ITIH2: variants seen among roughly 807,000 people sequenced by gnomAD.
ITIH2 encodes inter-alpha-trypsin inhibitor heavy chain 2, also known as inter-alpha-trypsin inhibitor heavy chain H2.
Under a neutral mutation model 104.4 loss-of-function variants are expected in ITIH2, and 103 were observed. That is an observed-to-expected ratio of 0.99 (90% CI 0.84 to 1.16). The LOEUF (loss-of-function observed/expected upper bound fraction) is 1.16, where lower values mean the gene tolerates loss of function less well. Among genes scored for constraint, ITIH2 ranks in the 50% most tolerant of loss-of-function variants. The pLI, the probability that ITIH2 is intolerant of heterozygous loss-of-function variation, is 0.00. For missense variants in ITIH2, 1,108 were observed against 1,162.4 expected (o/e 0.95, Z 0.68); for synonymous variants, 436 against 435.4 (o/e 1.00, Z -0.02).
In ITIH2 at chr10:7,732,339, C is replaced by G. The variant is rs763491223; in HGVS notation, c.1649C>G (p.Ala550Gly). The part of the protein sequence containing the change: ...QIESVITATS[A>G]NTQLVLETLA... ...TCAACTGAACCTTCCATCATCTAGG[C>G]TAACACGCAGTTAGTCTTGGAGACC... The change falls in exon 14 of 21, where the codon GCT (alanine) becomes GGT (glycine). Residue 550 changes from alanine (A) to glycine (G), a missense_variant and splice_region_variant. Coordinates refer to ENST00000358415, the MANE Select transcript of ITIH2 (RefSeq NM_002216.3). 1.2e-6 allele frequency: 2 copies of G among 1,613,196 alleles called. No homozygotes were observed. Among genetic ancestry groups the G allele is most frequent in the South Asian group, 2.2e-5 (2 of 90,964 alleles).
chr10:7,706,832 T>C (rs1488581601), intron 2 of ITIH2, among the ~76,000 whole-genome samples: 1 of 152,120 alleles, frequency 6.6e-6, no homozygotes, highest in Non-Finnish European at 1.5e-5. Flanking sequence ...GCCCACAGCC[T>C]CATGGCCGAA....
chr10:7,728,937 C>T (rs1834975396), intron 11 of ITIH2, among the ~76,000 whole-genome samples: 1 of 152,060 alleles, frequency 6.6e-6, no homozygotes, highest in Non-Finnish European at 1.5e-5. Context: ...GTTGTAGAGC[C>T]AATGTTTTCT....
intron 20 of ITIH2, among the ~76,000 whole-genome samples, chr10:7,746,926 TTAAC>T (rs374696050): frequency 5.3e-4 from 80 of 152,292 alleles, no homozygotes; most frequent in African/African-American, 1.6e-3. Flanking sequence ...AATGCCAAGA[TTAAC>T]TAACCTGTTG....
At chr10:7,726,876 T>C in intron 9 of ITIH2, 74 bp from the exon 10 acceptor site, 1 of 1,229,858 alleles carries the variant, frequency 8.1e-7, no homozygotes, top group South Asian at 1.7e-5. Context: ...CCAGGATCAA[T>C]GATTGGTCTT....
At chr10:7,719,760 C>CAAAAAAAA (rs71385664) in intron 6 of ITIH2, among the ~76,000 whole-genome samples, 23 of 41,682 alleles carry the variant, frequency 5.5e-4, no homozygotes, top group Admixed American at 8.4e-4. Flanking sequence ...GACCCTGTCT[C>CAAAAAAAA]AAAAAAAAAA....
intron 2 of ITIH2, 125 bp from the exon 3 acceptor site, chr10:7,707,076 T>G (rs1252074552): frequency 1.8e-6 from 1 of 548,870 alleles, no homozygotes; most frequent in Non-Finnish European, 3.2e-6. Context: ...TCAACTCCAG[T>G]GAATGAATAA....
rs56289715 is a variant in ITIH2, at chr10:7,717,905, A to T, written c.630+117A>T. 7.9e-3 allele frequency: 7,536 copies of T among 951,518 alleles called. 407 individuals carry two copies. In the African/African-American group the frequency reaches 0.11, roughly 14 times the overall value. The allele number at this position is 951,518 out of a possible 1,614,324, so 58.9% of individuals were successfully genotyped here. A position where few individuals can be genotyped will look rare whatever the true frequency, so the allele number is the denominator to read the frequency against. On this transcript the variant is annotated intron_variant, in intron 6 of 20. Transcript: ENST00000358415. ...GTGTTGGATGCCACTCAACTCTACA[A>T]GACAGTGGGATGTATTGAAAAGATG...
At chr10:7,736,901 A>G (rs1332899615) in intron 15 of ITIH2, among the ~76,000 whole-genome samples, 4 of 152,188 alleles carry the variant, frequency 2.6e-5, no homozygotes, top group Non-Finnish European at 5.9e-5. Context: ...TTACTCGCTT[A>G]TCTGAACTCT....
intron 5 of ITIH2, among the ~76,000 whole-genome samples, chr10:7,715,756 A>T (rs1199975596): frequency 1.3e-5 from 2 of 152,172 alleles, no homozygotes. Flanking sequence ...TTTTCTTTTG[A>T]AATGAAATTT....
chr10:7,748,402 T>A (rs1400733469), intron 20 of ITIH2, among the ~76,000 whole-genome samples: 3 of 149,008 alleles, frequency 2.0e-5, no homozygotes, highest in Admixed American at 6.7e-5. Context: ...GTGAACGAGA[T>A]CCTTAACAAA....
In ITIH2 at chr10:7,721,739, T is replaced by C. The variant is rs369928390; in HGVS notation, c.829T>C (p.Tyr277His). Residue 277 changes from tyrosine (Y) to histidine (H), a missense_variant, in exon 8 of 21, where the codon TAT becomes CAT. Physicochemically the swap from Tyr to His is moderately conservative, Grantham distance 83. Coordinates refer to ENST00000358415, the MANE Select transcript of ITIH2 (RefSeq NM_002216.3). ...TAVDGELVVL[Y>H]DVKREEKAGE... ...GGTAGATGGGGAACTGGTGGTGCTG[T>C]ATGACGTGAAAAGAGAAGAGAAGGC... The C allele has an allele frequency of 3.1e-6, 5 of 1,613,874 alleles. No homozygotes were observed. The highest frequency in any genetic ancestry group is 4.2e-6 in the Non-Finnish European group (5 of 1,180,008).
At chr10:7,731,718 T>C (rs1378456608) in intron 12 of ITIH2, 93 bp from the exon 13 acceptor site, 4 of 924,068 alleles carry the variant, frequency 4.3e-6, no homozygotes, top group Admixed American at 2.6e-5. Flanking sequence ...GAGTGAGACA[T>C]CGTCTCAAAA....
chr10:7,723,212 G>A lies in ITIH2; in HGVS notation c.868-239G>A, dbSNP rs528439454. Among the ~76,000 whole-genome samples the A allele has an allele frequency of 1.8e-4, 27 of 151,736 alleles. No homozygotes were observed. The South Asian group carries it at 5.0e-3, about 28-fold the overall frequency. ...GTGTGGAGAGGAGTCAAGTGGAGTG[G>A]AGCGGTGTGGAGTGAAGCAGCGTGG... On this transcript the variant is annotated intron_variant, in intron 8 of 20. Transcript: ENST00000358415.
At chr10:7,729,811 A>G (rs189168092) in intron 11 of ITIH2, 141 bp from the exon 12 acceptor site, 1 of 535,646 alleles carries the variant, frequency 1.9e-6, no homozygotes, top group Non-Finnish European at 3.3e-6. Context: ...TCTAAGAAAA[A>G]CTAGAAATTG....
At chr10:7,721,921 T>A in intron 8 of ITIH2, 144 bp downstream of exon 8, 1 of 777,826 alleles carries the variant, frequency 1.3e-6, no homozygotes, top group Non-Finnish European at 2.1e-6. Flanking sequence ...AATCATATTC[T>A]TTGAATATAC....
In ITIH2 at chr10:7,748,521, C is replaced by CTTTTTTTTTTTTTTTTTTTTT. The variant is rs549517172; in HGVS notation, c.2694-649_2694-629dup. Among the ~76,000 whole-genome samples, 8 of 27,132 alleles carry CTTTTTTTTTTTTTTTTTTTTT rather than the reference C, an allele frequency of 2.9e-4. 3 individuals are homozygous for CTTTTTTTTTTTTTTTTTTTTT. Among genetic ancestry groups the CTTTTTTTTTTTTTTTTTTTTT allele is most frequent in the East Asian group, 3.2e-3 (2 of 620 alleles). The allele number at this position is 27,132 out of a possible 152,430, so 17.8% of individuals were successfully genotyped here. On this transcript the variant is annotated intron_variant, in intron 20 of 20. Transcript: ENST00000358415. ...AGTTAAGAGGTGCCGCCAATGCATT[C>CTTTTTTTTTTTTTTTTTTTTT]TTTTTTTTTTTTTTTTTTTTTTTTT...
At chr10:7,725,792 G>A (rs932111912) in intron 9 of ITIH2, among the ~76,000 whole-genome samples, 1 of 152,220 alleles carries the variant, frequency 6.6e-6, no homozygotes, top group African/African-American at 2.4e-5. Context: ...CCAGCATATA[G>A]AAGGTACTGT....
rs1344803515 is a variant in ITIH2, at chr10:7,741,383, C to T, written c.2096-1763C>T. 7.2e-5 allele frequency among the ~76,000 whole-genome samples: 11 copies of T among 151,872 alleles called. No individual in the cohort carries two copies. In the South Asian group the frequency reaches 1.2e-3, roughly 17 times the overall value. ...TTAGTAGAGGCGGGGTTTCACTATGCTGGCCAGGCTGGTCTCGAATGCCTG... is the reference window on the plus strand; with the variant it reads ...TTAGTAGAGGCGGGGTTTCACTATGTTGGCCAGGCTGGTCTCGAATGCCTG... On this transcript the variant is annotated intron_variant, in intron 16 of 20. Coordinates refer to ENST00000358415, the MANE Select transcript of ITIH2 (RefSeq NM_002216.3).
At chr10:7,739,319 CT>C (rs1218736028) in intron 16 of ITIH2, among the ~76,000 whole-genome samples, 2 of 152,204 alleles carry the variant, frequency 1.3e-5, no homozygotes, top group Non-Finnish European at 2.9e-5. Flanking sequence ...TCTTTCCTTA[CT>C]TTCCTTTTGA....
Sources: allele counts gnomAD v4.1 joint callset (sites outside exome capture counted in the v4.1 genomes callset), GRCh38; gene constraint gnomAD v4.1.1; transcripts MANE v1.5; gene names NCBI Gene and HGNC (gene_info 2026-07-23, HGNC 2026-07-21).